AMY2B: variants seen among roughly 807,000 people sequenced by gnomAD.
AMY2B encodes the protein alpha-amylase 2B.
A neutral mutation model predicts 59.3 loss-of-function variants in AMY2B; 63 were observed. That is an observed-to-expected ratio of 1.06 (90% confidence interval 0.87 to 1.31). AMY2B has a LOEUF of 1.31. Ranked by LOEUF, AMY2B falls within the 50% of genes most tolerant of loss-of-function variation. The pLI is 0.00. For synonymous variants in AMY2B, 180 were observed against 198.1 expected (o/e 0.91, Z 0.77); for missense variants, 635 against 626.7 (o/e 1.01, Z -0.14).
At chr1:103,575,169 T>C in intron 5 of AMY2B, 54 bp from the exon 6 acceptor site, 1 of 1,610,126 alleles carries the variant, frequency 6.2e-7, no homozygotes, top group Non-Finnish European at 8.5e-7. Flanking sequence ...GTTAAGTTAC[T>C]CGCAAACTAT....
At chr1:103,557,314 A>C (rs1651588612) in intron 1 of AMY2B, among the ~76,000 whole-genome samples, 2 of 152,130 alleles carry the variant, frequency 1.3e-5, no homozygotes, top group South Asian at 2.1e-4. Context: ...TAATATATAA[A>C]GACTTGAGGT....
At chr1:103,575,098 C>G (rs1652298137) in intron 5 of AMY2B, 125 bp from the exon 6 acceptor site, 3 of 1,261,492 alleles carry the variant, frequency 2.4e-6, no homozygotes, top group Non-Finnish European at 2.2e-6. Context: ...TACAGAATAA[C>G]CATTTAATTA....
intron 1 of AMY2B, chr1:103,565,269 C>G (rs1253599078): frequency 2.6e-5 from 4 of 152,170 alleles, no homozygotes; most frequent in Admixed American, 2.6e-4. Context: ...AACCAATGCA[C>G]ATCCTCCTGT....
At chr1:103,557,359 T>A (rs1182411644) in intron 1 of AMY2B, among the ~76,000 whole-genome samples, 1 of 151,970 alleles carries the variant, frequency 6.6e-6, no homozygotes, top group African/African-American at 2.4e-5. Flanking sequence ...CAATTAGAAA[T>A]TAAGAAAGAG....
rs746677345 is a variant in AMY2B, at chr1:103,557,150, G to GCA, written c.-207+2062_-207+2063dup. The stretch of plus-strand genomic sequence containing the variant: ...AGGAAATCTTAAAGCGTGCGCGCGC[G>GCA]CACACACACACACACACACACATAC... On this transcript the variant is annotated intron_variant, in intron 1 of 11. Coordinates refer to the AMY2B transcript ENST00000361355. Among the ~76,000 whole-genome samples the GCA allele has an allele frequency of 8.9e-3, 1,325 of 148,178 alleles. 14 individuals are homozygous for GCA. The highest frequency in any genetic ancestry group is 0.017 in the Middle Eastern group (5 of 288).
chr1:103,572,140 C>T lies in AMY2B; in HGVS notation c.199C>T (p.His67Tyr), dbSNP rs763891745. The change falls in exon 2 of 10, where the codon CAC becomes TAC. Residue 67 changes from histidine (H) to tyrosine (Y), a missense_variant. Physicochemically the swap from His to Tyr is moderately conservative, Grantham distance 83. Coordinates refer to ENST00000684275, the MANE Select transcript of AMY2B (RefSeq NM_001387437.1). ...TCCACCAAATGAAAATGTTGCAATT[C>T]ACAACCCTTTCAGACCTTGGTGGGA... is the stretch of plus-strand genomic sequence containing the variant. ...VSPPNENVAI[H>Y]NPFRPWWERY... 1.1e-5 allele frequency: 18 copies of T among 1,611,526 alleles called. No homozygotes were observed. Among genetic ancestry groups the T allele is most frequent in the Admixed American group, 3.3e-5 (2 of 59,978 alleles).
At chr1:103,558,289 A>G (rs12127290) in intron 1 of AMY2B, among the ~76,000 whole-genome samples, 22,734 of 152,182 alleles carry the variant, frequency 0.15, 1,971 homozygotes, top group South Asian at 0.28. Context: ...AACATGAGAA[A>G]CTTGGTTATT....
At chr1:103,556,936 C>T (rs1214391110) in intron 1 of AMY2B, among the ~76,000 whole-genome samples, 2 of 152,024 alleles carry the variant, frequency 1.3e-5, no homozygotes, top group African/African-American at 4.8e-5. Context: ...TTCATGCTAA[C>T]AAATAATGAC....
At chr1:103,571,333 G>C (rs1333079709), upstream of AMY2B, 27 of 925,574 alleles carry the variant, frequency 2.9e-5, no homozygotes, top group Middle Eastern at 7.0e-4. Context: ...GAGAACATTA[G>C]GCCCCAGCAA....
intron 2 of AMY2B, among the ~76,000 whole-genome samples, chr1:103,572,797 G>A (rs576588298): frequency 2.1e-4 from 32 of 152,180 alleles, no homozygotes; most frequent in Admixed American, 1.1e-3. Context: ...CCCGAAATGG[G>A]CTTTTTGCAT....
At chr1:103,576,306 T>G (rs1213292727) in intron 7 of AMY2B, among the ~76,000 whole-genome samples, 3 of 152,180 alleles carry the variant, frequency 2.0e-5, no homozygotes, top group African/African-American at 7.2e-5. Flanking sequence ...TCCTTTCAGT[T>G]TGAGAAGTCT....
chr1:103,568,626 A>G (rs968674984), upstream of AMY2B: 4 of 152,184 alleles, frequency 2.6e-5, no homozygotes, highest in Non-Finnish European at 4.4e-5. Flanking sequence ...CATGACAAAA[A>G]TTTGAAAATA....
intron 1 of AMY2B, among the ~76,000 whole-genome samples, chr1:103,556,059 T>C (rs1651537818): frequency 6.6e-6 from 1 of 152,170 alleles, no homozygotes; most frequent in Admixed American, 6.5e-5. Flanking sequence ...TGTCAAATTT[T>C]TGTTATATTT....
intron 1 of AMY2B, among the ~76,000 whole-genome samples, chr1:103,556,949 C>T (rs1015232383): frequency 1.3e-5 from 2 of 151,994 alleles, no homozygotes; most frequent in African/African-American, 4.8e-5. Flanking sequence ...ATAATGACCT[C>T]AGTAGGATTA....
upstream of AMY2B, chr1:103,571,112 G>T: frequency 2.1e-6 from 2 of 959,690 alleles, no homozygotes; most frequent in Non-Finnish European, 2.6e-6. Context: ...GGTCTGTCAG[G>T]GTTGGAAAGT....
At position 103,577,835 on chromosome 1, in the gene AMY2B, A is replaced by C. The variant is rs1162341184; in HGVS notation, c.1336A>C (p.Asn446His). 6.2e-7 allele frequency: 1 copy of C among 1,602,982 alleles called. No individual in the cohort carries two copies. Among genetic ancestry groups the C allele is most frequent in the Non-Finnish European group, 8.5e-7 (1 of 1,179,722 alleles). The change falls in exon 9 of 10, where the codon AAT (asparagine) becomes CAT (histidine). Residue 446 changes from asparagine to histidine, a missense_variant. Transcript: ENST00000684275. ...AAACAGAGGATTCATTGTTTTCAAC[A>C]ATGATGACTGGTAAGTACATATCAA... Reference protein sequence around the residue: ...RGNRGFIVFNNDDWTFSLTLQ... With the variant: ...RGNRGFIVFNHDDWTFSLTLQ...
intron 7 of AMY2B, 33 bp downstream of exon 7, chr1:103,575,573 C>G: frequency 6.2e-7 from 1 of 1,609,962 alleles, no homozygotes; most frequent in Non-Finnish European, 8.5e-7. Flanking sequence ...CTATCCTTTT[C>G]TCAAGAAACA....
chr1:103,562,780 A>C (rs1392621155), intron 1 of AMY2B, among the ~76,000 whole-genome samples: 1 of 151,610 alleles, frequency 6.6e-6, no homozygotes, highest in African/African-American at 2.4e-5. Context: ...ACTTGTAAAT[A>C]ACTGATAGTT....
At chr1:103,574,127 G>C in intron 4 of AMY2B, 133 bp from the exon 5 acceptor site, 10 of 1,477,688 alleles carry the variant, frequency 6.8e-6, no homozygotes, top group Non-Finnish European at 8.1e-6. Context: ...AAGACAAAAA[G>C]AAATAATAAA....
Sources: gnomAD v4.1 joint callset for allele counts (sites outside exome capture counted in the v4.1 genomes callset) on GRCh38, gnomAD v4.1.1 for gene constraint, MANE v1.5 for transcripts, NCBI Gene and HGNC (gene_info 2026-07-23, HGNC 2026-07-21) for gene names.